Variants in NUP88 observed in about 807,000 individuals in gnomAD.
NUP88 encodes nucleoporin 88.
Under a neutral mutation model 93.9 loss-of-function variants are expected in NUP88, and 57 were observed. The ratio of observed to expected loss-of-function variants is 0.61; its 90% CI spans 0.49 to 0.76. The LOEUF (loss-of-function observed/expected upper bound fraction) is 0.76. Ranked by LOEUF, NUP88 falls within the 30% of genes least tolerant of loss-of-function variation. The probability of loss-of-function intolerance (pLI) is 0.00; values close to 1 mark genes in which losing one functional copy is unlikely to be tolerated. For synonymous variants in NUP88, 346 were observed against 336.8 expected, an observed-to-expected ratio of 1.03 and a Z score of -0.30; for missense variants, 911 against 901.0, an observed-to-expected ratio of 1.01 and a Z score of -0.14.
intron 8 of NUP88, 26 bp downstream of exon 8, chr17:5,399,526 A>G (rs549120644): frequency 8.6e-7 from 1 of 1,160,934 alleles, no homozygotes; most frequent in South Asian, 1.3e-5. Context: ...AAATCTATTA[A>G]AAGTGCAGAG....
In NUP88 at chr17:5,401,369, C is replaced by T. The variant is rs1373571746; in HGVS notation, c.1193-1719G>A. Among the ~76,000 whole-genome samples the T allele has an allele frequency of 5.5e-5, 8 of 145,776 alleles. No homozygotes were observed. The East Asian group carries it at 1.1e-3, about 20-fold the overall frequency. ...TGCACTCCAGCCTGGGCAACAAGAG[C>T]GAAACTCCGTCTCAAAAAAAAACAC... On this transcript the variant is annotated intron_variant, in intron 7 of 16. Coordinates refer to ENST00000573584, the MANE Select transcript of NUP88 (RefSeq NM_002532.6).
intron 9 of NUP88, 111 bp from the exon 10 acceptor site, chr17:5,391,773 A>G: frequency 1.3e-6 from 1 of 785,138 alleles, no homozygotes. Flanking sequence ...GTTGCTTGGG[A>G]CATCCTATCA....
chr17:5,409,110 A>C (rs568750111), intron 4 of NUP88, among the ~76,000 whole-genome samples: 1 of 152,346 alleles, frequency 6.6e-6, no homozygotes, highest in South Asian at 2.1e-4. Flanking sequence ...GCAGTGGCTC[A>C]TGCCTGTAAT....
chr17:5,398,320 T>C (rs1166818962), intron 8 of NUP88, among the ~76,000 whole-genome samples: 1 of 152,120 alleles, frequency 6.6e-6, no homozygotes, highest in Admixed American at 6.6e-5. Context: ...GACGGAGTCT[T>C]GCTCTGTCAC....
intron 9 of NUP88, among the ~76,000 whole-genome samples, chr17:5,393,362 C>G (rs1912562633): frequency 6.6e-6 from 1 of 151,772 alleles, no homozygotes; most frequent in Non-Finnish European, 1.5e-5. Context: ...TGACAAAGTG[C>G]TGGGATTATA....
At chr17:5,414,775 C>A (rs1424266079) in intron 2 of NUP88, among the ~76,000 whole-genome samples, 3 of 140,018 alleles carry the variant, frequency 2.1e-5, no homozygotes, top group Non-Finnish European at 4.6e-5. Flanking sequence ...AAGAATTAGG[C>A]AAGTGTGGTG....
intron 9 of NUP88, among the ~76,000 whole-genome samples, chr17:5,392,525 CT>C (rs1912504722): frequency 6.6e-6 from 1 of 151,000 alleles, no homozygotes; most frequent in African/African-American, 2.4e-5. Flanking sequence ...TAAACTTTAA[CT>C]TTTTATTATC....
In NUP88 at chr17:5,391,625, C is replaced by A; in HGVS notation, c.1420G>T (p.Asp474Tyr). The A allele has an allele frequency of 6.2e-7, 1 of 1,614,102 alleles. No homozygotes were observed. Among genetic ancestry groups the A allele is most frequent in the South Asian group, 1.1e-5 (1 of 91,072 alleles). ...CAGATCATCGTGGGTCCCAGAATGT[C>A]AGGTACAATCCAAAATCCTCGAATT... ...APIRGFWIVP[D>Y]ILGPTMICIT... Residue 474 changes from aspartate to tyrosine, a missense_variant, in exon 10 of 17, where the codon GAC (aspartate) becomes TAC (tyrosine). Coordinates refer to ENST00000573584, the MANE Select transcript of NUP88 (RefSeq NM_002532.6).
At position 5,389,763 on chromosome 17, in the gene NUP88, A is replaced by G. The variant is rs372032258; in HGVS notation, c.1485-803T>C. On this transcript the variant is annotated intron_variant, in intron 10 of 16. Coordinates refer to ENST00000573584, the MANE Select transcript of NUP88 (RefSeq NM_002532.6). ...TGCACTCCAGCCTGGGTGACAGAGC[A>G]AGACTCTGTCTCAAAAAAAAAAAAA... Among the ~76,000 whole-genome samples the G allele has an allele frequency of 5.8e-4, 82 of 141,076 alleles. 1 individual carries two copies. Among genetic ancestry groups the G allele is most frequent in the African/African-American group, 2.2e-3 (81 of 36,724 alleles). The allele number at this position is 141,076 out of a possible 152,430, so 92.6% of individuals were successfully genotyped here. A position where few individuals can be genotyped will look rare whatever the true frequency, so the allele number is the denominator to read the frequency against.
Position 5,385,962 on chromosome 17 carries a change from G to A in NUP88, c.*244C>T. ...TAGGGTTCAGGGAGGTTCTGGCAGT[G>A]TGCAGTGTGAAATAATCCTGAGTCC... On this transcript the variant is annotated 3_prime_UTR_variant, in exon 17 of 17. Transcript: ENST00000573584. 2.2e-6 allele frequency: 1 copy of A among 457,906 alleles called. No individual in the cohort carries two copies. The highest frequency in any genetic ancestry group is 3.5e-5 in the East Asian group (1 of 28,226). 28.4% of individuals were successfully genotyped at this position (457,906 alleles called of 1,614,324 possible).
intron 12 of NUP88, 23 bp downstream of exon 12, chr17:5,387,756 T>G (rs959761707): frequency 6.2e-7 from 1 of 1,611,046 alleles, no homozygotes; most frequent in Non-Finnish European, 8.5e-7. Flanking sequence ...GGATCGATGG[T>G]TTGTGAACAC....
intron 5 of NUP88, among the ~76,000 whole-genome samples, chr17:5,405,756 AC>A (rs1913455133): frequency 6.6e-6 from 1 of 152,200 alleles, no homozygotes; most frequent in Non-Finnish European, 1.5e-5. Flanking sequence ...CTGGTTAACG[AC>A]TACTGCTACT....
chr17:5,395,534 C>T (rs1317395764), intron 8 of NUP88, among the ~76,000 whole-genome samples: 1 of 149,874 alleles, frequency 6.7e-6, no homozygotes, highest in Admixed American at 6.6e-5. Flanking sequence ...TTTATAACAG[C>T]TTTATTTTTT....
chr17:5,388,856 T>C lies in NUP88; in HGVS notation c.1589A>G (p.Glu530Gly), dbSNP rs1383463747. The C allele has an allele frequency of 1.9e-6, 3 of 1,614,040 alleles. No homozygotes were observed. In the African/African-American group the frequency reaches 4.0e-5, roughly 22 times the overall value. The change falls in exon 11 of 17, where the codon GAA becomes GGA. Residue 530 changes from glutamate to glycine, a missense_variant. Transcript: ENST00000573584. ...TTGCAAAATGCTTCTAATATGCTTT[T>C]CAAAGGAATCTGGGGTTTCAGCCAG... ...RVLAETPDSF[E>G]KHIRSILQRS...
chr17:5,390,730 G>T (rs1398826100), intron 10 of NUP88, among the ~76,000 whole-genome samples: 1 of 151,800 alleles, frequency 6.6e-6, no homozygotes, highest in Non-Finnish European at 1.5e-5. Context: ...AAGACACAGG[G>T]TCTTGCTCTG....
In NUP88 at chr17:5,408,879, T is replaced by A. The variant is rs1913656528; in HGVS notation, c.711A>T (p.Thr237=). 3 of 1,613,124 alleles carry A rather than the reference T, an allele frequency of 1.9e-6. No homozygotes were observed. Residue 237 remains threonine (T), a synonymous_variant, in exon 5 of 17, where the codon ACA becomes ACT. Coordinates refer to ENST00000573584, the MANE Select transcript of NUP88 (RefSeq NM_002532.6). ...GRAYTASLGE[T]AVAFDFGPLA... ...ATGGCCCAAAGTCAAATGCAACTGC[T>A]GTCTCTCCTAGAGATGCGGTATACG...
chr17:5,416,386 G>T, intron 2 of NUP88, 127 bp downstream of exon 2: 1 of 598,046 alleles, frequency 1.7e-6, no homozygotes. Context: ...ACAGAAGCCA[G>T]TCTGCAGACC....
rs966965852 is a variant in NUP88 at position 5,401,718 on chromosome 17, G to A, written c.1193-2068C>T. ...TTCTTTTCATTTGCGTATGTTTTAAGACTTAAGGCTCAAATCATCTCATTA... is the reference window on the plus strand; with the variant it reads ...TTCTTTTCATTTGCGTATGTTTTAAAACTTAAGGCTCAAATCATCTCATTA... On this transcript the variant is annotated intron_variant, in intron 7 of 16. Coordinates refer to ENST00000573584, the MANE Select transcript of NUP88 (RefSeq NM_002532.6). 7.2e-5 allele frequency among the ~76,000 whole-genome samples: 11 copies of A among 152,300 alleles called. No homozygotes were observed. The South Asian group carries it at 1.9e-3, about 26-fold the overall frequency.
chr17:5,418,695 A>G (rs746146496), intron 1 of NUP88, among the ~76,000 whole-genome samples: 4 of 152,204 alleles, frequency 2.6e-5, no homozygotes, highest in Non-Finnish European at 5.9e-5. Flanking sequence ...CACACAACAG[A>G]TGTCATACCT....
Sources: gnomAD v4.1 joint callset for allele counts (sites outside exome capture counted in the v4.1 genomes callset) on GRCh38, gnomAD v4.1.1 for gene constraint, MANE v1.5 for transcripts, NCBI Gene and HGNC (gene_info 2026-07-23, HGNC 2026-07-21) for gene names.